Variants in GRID2 observed in about 807,000 individuals in gnomAD.
GRID2 encodes the protein glutamate receptor ionotropic, delta-2.
GRID2 carries 33 observed loss-of-function variants against 114.8 expected under a neutral mutation model. The observed-to-expected ratio is 0.29, with a 90% CI of 0.22 to 0.38. The LOEUF (loss-of-function observed/expected upper bound fraction) is 0.38. Among genes scored for constraint, GRID2 ranks in the 10% least tolerant of loss-of-function variants. The pLI is 1.00. For missense variants in GRID2, 1,184 were observed against 1,257.7 expected (o/e 0.94, Z 0.89); for synonymous variants, 505 against 449.9 (o/e 1.12, Z -1.55).
chr4:93,787,497 A>C (rs958696765), intron 1 of GRID2, among the ~76,000 whole-genome samples: 3 of 152,176 alleles, frequency 2.0e-5, no homozygotes, highest in Non-Finnish European at 4.4e-5. Flanking sequence ...GGTCCACTCT[A>C]ACCACCCTGT....
At chr4:92,819,287 C>A (rs1741114164) in intron 2 of GRID2, among the ~76,000 whole-genome samples, 1 of 152,088 alleles carries the variant, frequency 6.6e-6, no homozygotes, top group African/African-American at 2.4e-5. Context: ...ATCTCCACCA[C>A]AGACAAATTC....
intron 2 of GRID2, among the ~76,000 whole-genome samples, chr4:92,604,539 A>T (rs1729366075): frequency 6.6e-6 from 1 of 151,900 alleles, no homozygotes; most frequent in African/African-American, 2.4e-5. Flanking sequence ...TTTGGGGGTT[A>T]TGGAGAGAGA....
intron 8 of GRID2, among the ~76,000 whole-genome samples, chr4:93,276,815 G>A (rs1752104714): frequency 6.6e-6 from 1 of 151,600 alleles, no homozygotes; most frequent in East Asian, 1.9e-4. Flanking sequence ...GTACTGTATT[G>A]CCACTTTTAA....
intron 13 of GRID2, among the ~76,000 whole-genome samples, chr4:93,540,216 T>G (rs960813790): frequency 2.0e-5 from 3 of 152,074 alleles, no homozygotes; most frequent in African/African-American, 7.2e-5. Context: ...TTCTTTAGAA[T>G]TCAATATTTC....
chr4:92,662,153 T>G (rs1464560207), intron 2 of GRID2, among the ~76,000 whole-genome samples: 1 of 151,004 alleles, frequency 6.6e-6, no homozygotes, highest in Admixed American at 6.6e-5. Context: ...TAAATCATTA[T>G]TAAGTAATGC....
chr4:93,692,646 C>G (rs925066491), intron 14 of GRID2, among the ~76,000 whole-genome samples: 7 of 152,116 alleles, frequency 4.6e-5, no homozygotes, highest in Non-Finnish European at 7.4e-5. Context: ...TAGTTTTAAT[C>G]ATATGTAATA....
intron 2 of GRID2, among the ~76,000 whole-genome samples, chr4:92,616,138 G>C (rs568568051): frequency 5.3e-5 from 8 of 151,670 alleles, no homozygotes; most frequent in African/African-American, 1.7e-4. Context: ...AATGAGTGCT[G>C]CTGTAGTGTT....
chr4:93,591,734 T>G (rs926301065), intron 13 of GRID2, among the ~76,000 whole-genome samples: 8 of 152,158 alleles, frequency 5.3e-5, no homozygotes, highest in East Asian at 1.9e-4. Context: ...CAATTTCAGA[T>G]CCTGTTATTG....
At chr4:93,560,097 A>T (rs1021772298) in intron 13 of GRID2, among the ~76,000 whole-genome samples, 2 of 151,812 alleles carry the variant, frequency 1.3e-5, no homozygotes, top group African/African-American at 4.8e-5. Flanking sequence ...GGGCTAGGGG[A>T]TGGATAGCAT....
At chr4:92,334,416 G>A (rs1451756824) in intron 1 of GRID2, among the ~76,000 whole-genome samples, 5 of 152,004 alleles carry the variant, frequency 3.3e-5, no homozygotes, top group African/African-American at 1.2e-4. Context: ...CACATTTTCA[G>A]GTATTTGTTA....
At chr4:93,025,621 T>C (rs1487675598) in intron 2 of GRID2, among the ~76,000 whole-genome samples, 1 of 151,748 alleles carries the variant, frequency 6.6e-6, no homozygotes, top group Non-Finnish European at 1.5e-5. Flanking sequence ...TATAATAATA[T>C]TTAAAAATTA....
intron 8 of GRID2, among the ~76,000 whole-genome samples, chr4:93,372,259 CAA>C (rs1763001469): frequency 6.6e-6 from 1 of 152,054 alleles, no homozygotes; most frequent in African/African-American, 2.4e-5. Flanking sequence ...TTTCACACCA[CAA>C]AGTTAATTTT....
rs1412937959 is a variant in GRID2, at chr4:93,057,105, C to T, written c.245-27890C>T. ...CTCTATATAATTGAAGAGAAACTTG[C>T]GAAGAGACCAAAAGAAACTGGAAAA... On this transcript the variant is annotated intron_variant, in intron 2 of 15. Transcript: ENST00000282020. 4.6e-5 allele frequency among the ~76,000 whole-genome samples: 7 copies of T among 150,972 alleles called. 1 individual carries two copies. Among genetic ancestry groups the T allele is most frequent in the East Asian group, 3.9e-4 (2 of 5,142 alleles).
chr4:92,462,114 G>A (rs1721528821), intron 1 of GRID2, among the ~76,000 whole-genome samples: 1 of 151,974 alleles, frequency 6.6e-6, no homozygotes, highest in South Asian at 2.1e-4. Flanking sequence ...AGGGCACCTG[G>A]CCAGGGATTT....
intron 1 of GRID2, among the ~76,000 whole-genome samples, chr4:92,350,495 C>G (rs1035626453): frequency 1.3e-5 from 2 of 151,720 alleles, no homozygotes; most frequent in African/African-American, 4.8e-5. Context: ...ATTTTAGTCT[C>G]CAGGGTAACA....
chr4:93,476,683 T>A (rs1194862389), intron 11 of GRID2, among the ~76,000 whole-genome samples: 2 of 152,078 alleles, frequency 1.3e-5, no homozygotes, highest in African/African-American at 4.8e-5. Context: ...CTGAAGATAT[T>A]TCTAAATATA....
chr4:93,077,772 T>G (rs922843047), intron 2 of GRID2, among the ~76,000 whole-genome samples: 2 of 152,172 alleles, frequency 1.3e-5, no homozygotes, highest in Admixed American at 6.6e-5. Flanking sequence ...ACAGATAAGG[T>G]GTTGTTTTAG....
intron 1 of GRID2, among the ~76,000 whole-genome samples, chr4:92,346,013 T>A (rs181050518): frequency 1.6e-4 from 24 of 152,316 alleles, no homozygotes; most frequent in African/African-American, 5.3e-4. Flanking sequence ...GGGAAAGACA[T>A]TTCGTGTCAA....
At chr4:93,184,827 A>G (rs113487308) in intron 4 of GRID2, among the ~76,000 whole-genome samples, 7,249 of 152,268 alleles carry the variant, frequency 0.048, 485 homozygotes, top group African/African-American at 0.14. Flanking sequence ...AGTTGTGGTC[A>G]GCCAAGATTG....
Sources: allele counts gnomAD v4.1 joint callset (sites outside exome capture counted in the v4.1 genomes callset), GRCh38; gene constraint gnomAD v4.1.1; transcripts MANE v1.5; gene names NCBI Gene and HGNC (gene_info 2026-07-23, HGNC 2026-07-21).